KCNK13: variants seen among roughly 807,000 people sequenced by gnomAD.
The protein encoded by KCNK13 is potassium two pore domain channel subfamily K member 13.
A neutral mutation model predicts 23.4 loss-of-function variants in KCNK13; 12 were observed. The observed-to-expected ratio is 0.51, with a 90% confidence interval of 0.33 to 0.83. KCNK13 has a LOEUF of 0.83. Ranked by LOEUF, KCNK13 falls within the 40% of genes least tolerant of loss-of-function variation. The pLI is 0.02. For synonymous variants in KCNK13, 231 were observed against 229.5 expected (o/e 1.01, Z -0.06); for missense variants, 463 against 556.3 (o/e 0.83, Z 1.69).
At chr14:90,100,156 A>G (rs1889457886) in intron 1 of KCNK13, among the ~76,000 whole-genome samples, 2 of 152,258 alleles carry the variant, frequency 1.3e-5, no homozygotes, top group South Asian at 4.2e-4. Context: ...AATAGCATAG[A>G]TAATCTACAC....
At chr14:90,063,815 A>G (rs1888975452) in intron 1 of KCNK13, among the ~76,000 whole-genome samples, 1 of 152,206 alleles carries the variant, frequency 6.6e-6, no homozygotes, top group South Asian at 2.1e-4. Context: ...TCCCAGGGCT[A>G]GTCCAGGAAT....
At chr14:90,119,299 CG>C (rs917321527) in intron 1 of KCNK13, among the ~76,000 whole-genome samples, 3 of 152,018 alleles carry the variant, frequency 2.0e-5, no homozygotes, top group African/African-American at 7.3e-5. Flanking sequence ...TCTATGAGGC[CG>C]GGGTCATTCT....
intron 1 of KCNK13, among the ~76,000 whole-genome samples, chr14:90,078,511 A>G (rs922501220): frequency 1.3e-5 from 2 of 151,252 alleles, no homozygotes; most frequent in African/African-American, 4.9e-5. Flanking sequence ...AAAGAAAGAA[A>G]AAGAAAGAAT....
intron 1 of KCNK13, among the ~76,000 whole-genome samples, chr14:90,134,979 A>G (rs1220963412): frequency 6.6e-6 from 1 of 152,222 alleles, no homozygotes; most frequent in East Asian, 1.9e-4. Context: ...CGTAGACATG[A>G]CTGATTTGAG....
At chr14:90,118,819 T>C (rs1294262235) in intron 1 of KCNK13, among the ~76,000 whole-genome samples, 1 of 152,036 alleles carries the variant, frequency 6.6e-6, no homozygotes, top group Non-Finnish European at 1.5e-5. Context: ...AGTAGAGGCA[T>C]GAAAAACCAT....
At chr14:90,097,834 G>A (rs1444999578) in intron 1 of KCNK13, among the ~76,000 whole-genome samples, 2 of 152,154 alleles carry the variant, frequency 1.3e-5, no homozygotes, top group Admixed American at 6.5e-5. Flanking sequence ...AAGAAATAGG[G>A]TATAGGAACC....
At chr14:90,093,156 G>A (rs558071709) in intron 1 of KCNK13, among the ~76,000 whole-genome samples, 1 of 152,182 alleles carries the variant, frequency 6.6e-6, no homozygotes, top group South Asian at 2.1e-4. Context: ...TGCAAGATGA[G>A]GAAACTGAGA....
chr14:90,079,113 G>A (rs934797726), intron 1 of KCNK13, among the ~76,000 whole-genome samples: 4 of 152,090 alleles, frequency 2.6e-5, no homozygotes, highest in African/African-American at 4.8e-5. Context: ...TGTAACCCTA[G>A]TGCTCAGGTT....
At chr14:90,102,220 A>C (rs978092991) in intron 1 of KCNK13, among the ~76,000 whole-genome samples, 1 of 152,138 alleles carries the variant, frequency 6.6e-6, no homozygotes, top group African/African-American at 2.4e-5. Context: ...CCCCCCATTG[A>C]AATGGACTCC....
chr14:90,127,876 G>C (rs1187517406), intron 1 of KCNK13, among the ~76,000 whole-genome samples: 1 of 147,198 alleles, frequency 6.8e-6, no homozygotes, highest in Non-Finnish European at 1.5e-5. Flanking sequence ...TCATCTAACA[G>C]AGTACATTCT....
At chr14:90,174,180 G>A (rs996156616) in intron 1 of KCNK13, among the ~76,000 whole-genome samples, 9 of 152,016 alleles carry the variant, frequency 5.9e-5, no homozygotes, top group African/African-American at 2.2e-4. Flanking sequence ...TGTGGTGGTG[G>A]GCACCTGTAG....
At chr14:90,079,175 A>T (rs989050158) in intron 1 of KCNK13, among the ~76,000 whole-genome samples, 23 of 152,054 alleles carry the variant, frequency 1.5e-4, no homozygotes, top group African/African-American at 5.1e-4. Flanking sequence ...AGGTAGTAGG[A>T]TGGAGGAAAG....
chr14:90,158,136 G>A (rs1024048187), intron 1 of KCNK13, among the ~76,000 whole-genome samples: 2 of 152,218 alleles, frequency 1.3e-5, no homozygotes, highest in African/African-American at 4.8e-5. Context: ...TTAGAAGGGA[G>A]GCGACCACAG....
chr14:90,107,334 C>T (rs1889557289), intron 1 of KCNK13, among the ~76,000 whole-genome samples: 2 of 152,168 alleles, frequency 1.3e-5, no homozygotes, highest in East Asian at 1.9e-4. Flanking sequence ...AAAAATTAGC[C>T]AGGCGTGGTG....
chr14:90,111,980 C>T (rs58599685), intron 1 of KCNK13, among the ~76,000 whole-genome samples: 2,500 of 152,204 alleles, frequency 0.016, 64 homozygotes, highest in African/African-American at 0.057. Context: ...GCTAGTCGTT[C>T]AGCAGAAAAT....
At chr14:90,132,174 C>G (rs2140423301) in intron 1 of KCNK13, among the ~76,000 whole-genome samples, 1 of 152,322 alleles carries the variant, frequency 6.6e-6, no homozygotes, top group South Asian at 2.1e-4. Context: ...GTGAAATAAG[C>G]CAGTCACGAA....
In KCNK13 at chr14:90,184,106, T is replaced by C; in HGVS notation, c.335-5T>C. ...TTACTCTTCTCTCATTTTTCTCTCC[T>C]GCAGGGTTTGGGATGACAACTCCGG... On this transcript the variant is annotated splice_region_variant and splice_polypyrimidine_tract_variant and intron_variant, in intron 1 of 1. Transcript: ENST00000282146. The surrounding 1 kb of genome is among the most constrained non-coding windows in gnomAD (Gnocchi z 5.6). 6.2e-7 allele frequency: 1 copy of C among 1,609,818 alleles called. No individual in the cohort carries two copies. Among genetic ancestry groups the C allele is most frequent in the Non-Finnish European group, 8.5e-7 (1 of 1,176,984 alleles).
At chr14:90,120,723 A>G (rs148015935) in intron 1 of KCNK13, among the ~76,000 whole-genome samples, 1 of 152,276 alleles carries the variant, frequency 6.6e-6, no homozygotes, top group East Asian at 1.9e-4. Flanking sequence ...GGGGACACAA[A>G]GCCAAATCAC....
intron 1 of KCNK13, among the ~76,000 whole-genome samples, chr14:90,086,577 AAT>A (rs1191316835): frequency 6.6e-6 from 1 of 152,156 alleles, no homozygotes; most frequent in East Asian, 1.9e-4. Flanking sequence ...GTTACTGATG[AAT>A]ATATTTTGCA....
Sources: gnomAD v4.1 joint callset for allele counts (sites outside exome capture counted in the v4.1 genomes callset) on GRCh38, gnomAD v4.1.1 for gene constraint, Gnocchi (gnomAD v3.1) non-coding constraint, MANE v1.5 for transcripts, NCBI Gene and HGNC (gene_info 2026-07-23, HGNC 2026-07-21) for gene names.